The following ARSL variants were observed in gnomAD, a reference collection of about 807,000 sequenced individuals.
ARSL encodes arylsulfatase E (chondrodysplasia punctata 1).
Under a neutral mutation model 31.1 loss-of-function variants are expected in ARSL, and 4 were observed. The observed-to-expected ratio is 0.13, with a 90% confidence interval of 0.06 to 0.29. The LOEUF is 0.29. Ranked by LOEUF, ARSL falls within the 10% of genes least tolerant of loss-of-function variation. The pLI is 1.00. For missense variants in ARSL, 312 were observed against 497.8 expected (o/e 0.63, Z 3.55); for synonymous variants, 198 against 209.9 (o/e 0.94, Z 0.49).
In ARSL at chrX:2,958,647, T is replaced by C. The variant is rs72619381; in HGVS notation, c.24-212A>G. 1.0e-3 allele frequency among the ~76,000 whole-genome samples: 112 copies of C among 112,290 alleles called. 2 individuals carry two copies. The East Asian group carries it at 0.023, about 23-fold the overall frequency. ...TTGGCCTTGAAGTTTTTTGGGTTTT[T>C]TTTGATGCTGTAAAGTCTGTTGTTA... On this transcript the variant is annotated intron_variant, in intron 2 of 10. Coordinates refer to ENST00000381134, the MANE Select transcript of ARSL (RefSeq NM_000047.3).
Position 2,955,501 on chromosome X carries a change from C to T in ARSL, c.222G>A (p.Val74=). 4.1e-6 allele frequency: 5 copies of T among 1,211,322 alleles called. No individual in the cohort carries two copies. Among genetic ancestry groups the T allele is most frequent in the Non-Finnish European group, 5.6e-6 (5 of 895,296 alleles). The part of the protein sequence containing the change: ...PNIDRLAEDG[V]KLTQHISAAS... Reference sequence around the variant, plus strand: ...CGGCAGAGATGTGTTGGGTCAGCTTCACGCCGTCCTCTGCAAGGCGGTCAA... The same window carrying T: ...CGGCAGAGATGTGTTGGGTCAGCTTTACGCCGTCCTCTGCAAGGCGGTCAA... The change falls in exon 4 of 11, where the codon GTG becomes GTA. Residue 74 remains valine (V), a synonymous_variant. Transcript: ENST00000381134.
chrX:2,944,729 T>A (rs757982971), intron 7 of ARSL, among the ~76,000 whole-genome samples: 2 of 110,071 alleles, frequency 1.8e-5, no homozygotes, highest in African/African-American at 3.3e-5. Flanking sequence ...CACCCAGCCC[T>A]GACTCACTCA....
rs758029161 is a variant in ARSL, at chrX:2,938,267, A to G, written c.1127-10T>C. 1.8e-5 allele frequency: 22 copies of G among 1,209,227 alleles called. No homozygotes were observed. The highest frequency in any genetic ancestry group is 2.4e-4 in the Middle Eastern group (1 of 4,242). On this transcript the variant is annotated splice_polypyrimidine_tract_variant and intron_variant, in intron 8 of 10. Coordinates refer to ENST00000381134, the MANE Select transcript of ARSL (RefSeq NM_000047.3). ...CCCATGCCCTTCCCACCTGGGTTTG[A>G]ACAGAAACAAAAGAAAGTGGTTAAA...
chrX:2,960,559 C>A, intron 1 of ARSL, 139 bp from the exon 2 acceptor site: 1 of 575,974 alleles, frequency 1.7e-6, no homozygotes, highest in South Asian at 3.0e-5. Flanking sequence ...AAACAATGAT[C>A]AAAATCTATA....
intron 8 of ARSL, among the ~76,000 whole-genome samples, chrX:2,939,019 AT>A (rs2089244037): frequency 9.1e-6 from 1 of 110,453 alleles, no homozygotes; most frequent in Non-Finnish European, 1.9e-5. Context: ...AGTGGATTCA[AT>A]TGCAATGGAT....
intron 6 of ARSL, among the ~76,000 whole-genome samples, 181 bp from the exon 7 acceptor site, chrX:2,946,315 A>G (rs2147371440): frequency 1.1e-5 from 1 of 90,568 alleles, no homozygotes; most frequent in South Asian, 6.4e-4. Flanking sequence ...TATATTTAAC[A>G]ATCTTCCTTT....
chrX:2,945,392 G>C (rs190218132), intron 7 of ARSL, among the ~76,000 whole-genome samples: 98 of 111,946 alleles, frequency 8.8e-4, no homozygotes, highest in African/African-American at 3.0e-3. Context: ...GGAGCCACTA[G>C]CCACTCTACA....
intron 3 of ARSL, 31 bp from the exon 4 acceptor site, chrX:2,955,568 G>A: frequency 1.7e-6 from 2 of 1,206,507 alleles, no homozygotes; most frequent in South Asian, 1.8e-5. Context: ...AGCTTTACTT[G>A]TTAAAATTAG....
chrX:2,953,289 G>C, intron 4 of ARSL, 24 bp from the exon 5 acceptor site: 1 of 1,198,094 alleles, frequency 8.3e-7, no homozygotes, highest in Non-Finnish European at 1.1e-6. Context: ...TTAAGAGAAA[G>C]AATTACTGTT....
intron 8 of ARSL, among the ~76,000 whole-genome samples, chrX:2,938,713 C>T (rs1304635990): frequency 9.1e-6 from 1 of 109,409 alleles, no homozygotes; most frequent in Non-Finnish European, 1.9e-5. Context: ...ACAGTGACCC[C>T]AAAACATGTT....
chrX:2,949,331 A>T lies in ARSL; in HGVS notation c.827T>A (p.Leu276Gln), dbSNP rs760193495. 5.0e-6 allele frequency: 6 copies of T among 1,211,722 alleles called. No homozygotes were observed. Among genetic ancestry groups the T allele is most frequent in the Non-Finnish European group, 6.7e-6 (6 of 895,558 alleles). Reference protein sequence around the residue: ...MCFQRTTPLILQEVASFLKRN... With the variant: ...MCFQRTTPLIQQEVASFLKRN... ...TTTGAGAAAGGACGCAACCTCCTGCAGAATAAGGGGTGTCGTTCTTTGGAA... is the reference window on the plus strand; with the variant it reads ...TTTGAGAAAGGACGCAACCTCCTGCTGAATAAGGGGTGTCGTTCTTTGGAA... Residue 276 changes from leucine to glutamine, a missense_variant, in exon 6 of 11, where the codon CTG (leucine) becomes CAG (glutamine). Physicochemically the swap from Leu to Gln is moderately radical, Grantham distance 113. Coordinates refer to ENST00000381134, the MANE Select transcript of ARSL (RefSeq NM_000047.3).
chrX:2,959,689 C>G (rs1241285678), intron 2 of ARSL: 1 of 1,151,261 alleles, frequency 8.7e-7, no homozygotes, highest in South Asian at 1.9e-5. Context: ...ATCTATTAAT[C>G]ACGGGTCTCA....
intron 10 of ARSL, 47 bp from the exon 11 acceptor site, chrX:2,935,237 G>A: frequency 1.0e-5 from 12 of 1,167,743 alleles, no homozygotes; most frequent in Non-Finnish European, 1.3e-5. Context: ...GAAATAGGGT[G>A]CCTTGCTGGA....
chrX:2,945,217 CAG>C (rs776237059), intron 7 of ARSL, among the ~76,000 whole-genome samples: 1 of 110,571 alleles, frequency 9.0e-6, no homozygotes, highest in Non-Finnish European at 1.9e-5. Flanking sequence ...GAAGCCCTGA[CAG>C]GGGACAAATG....
chrX:2,945,523 G>A (rs1383365172), intron 7 of ARSL, among the ~76,000 whole-genome samples: 2 of 111,742 alleles, frequency 1.8e-5, no homozygotes, highest in East Asian at 5.6e-4. Flanking sequence ...AAATCTCTGA[G>A]GTCATTATTC....
chrX:2,957,682 C>T (rs2089545092), intron 3 of ARSL, among the ~76,000 whole-genome samples: 1 of 99,502 alleles, frequency 1.0e-5, no homozygotes, highest in Non-Finnish European at 2.0e-5. Flanking sequence ...GCACTCCAGC[C>T]TGGGCAACAC....
At chrX:2,937,925 G>A (rs771481894) in intron 9 of ARSL, among the ~76,000 whole-genome samples, 170 bp downstream of exon 9, 1 of 111,898 alleles carries the variant, frequency 8.9e-6, no homozygotes, top group Non-Finnish European at 1.9e-5. Context: ...TTCTTTCCTC[G>A]TTCATTTGCA....
chrX:2,936,954 T>G lies in ARSL; in HGVS notation c.1290-91A>C. The G allele has an allele frequency of 6.3e-6, 7 of 1,114,333 alleles. No homozygotes were observed. In the South Asian group the frequency reaches 1.3e-4, roughly 21 times the overall value. The allele number at this position is 1,114,333 out of a possible 1,213,427, so 91.8% of individuals were successfully genotyped here. On this transcript the variant is annotated intron_variant, in intron 9 of 10. Transcript: ENST00000381134. ...ATCCACCAGTCCCAGCCCCAGGTGG[T>G]GCACTCTCCTTATGTTGTATCAGTG...
At chrX:2,965,901 A>G (rs1390276779), upstream of ARSL, among the ~76,000 whole-genome samples, 1 of 112,436 alleles carries the variant, frequency 8.9e-6, no homozygotes, top group Non-Finnish European at 1.9e-5. Flanking sequence ...ACTCCGTCTC[A>G]AAAAAGAAAA....
Sources: allele counts gnomAD v4.1 joint callset (sites outside exome capture counted in the v4.1 genomes callset), GRCh38; gene constraint gnomAD v4.1.1; transcripts MANE v1.5; gene names NCBI Gene and HGNC (gene_info 2026-07-23, HGNC 2026-07-21).